TMEM18: variants seen among roughly 807,000 people sequenced by gnomAD.
TMEM18 encodes the protein transmembrane protein 18.
A neutral mutation model predicts 17.4 loss-of-function variants in TMEM18; 14 were observed. The ratio of observed to expected loss-of-function variants is 0.80; its 90% CI spans 0.53 to 1.25. The LOEUF (loss-of-function observed/expected upper bound fraction) is 1.25, where lower values mean the gene tolerates loss of function less well. Ranked by LOEUF, TMEM18 falls within the 50% of genes most tolerant of loss-of-function variation. The pLI, the probability that TMEM18 is intolerant of heterozygous loss-of-function variation, is 0.00. For missense variants in TMEM18, 187 were observed against 172.1 expected (o/e 1.09, Z -0.48); for synonymous variants, 86 against 66.1 (o/e 1.30, Z -1.46).
intron 1 of TMEM18, chr2:676,205 G>A (rs1304873345): frequency 7.3e-7 from 1 of 1,372,322 alleles, no homozygotes; most frequent in African/African-American, 1.5e-5. Flanking sequence ...GCCGCACTCC[G>A]CCGCCTCCTG....
chr2:675,258 T>C (rs185566814), intron 2 of TMEM18, among the ~76,000 whole-genome samples: 10 of 152,344 alleles, frequency 6.6e-5, no homozygotes, highest in African/African-American at 2.2e-4. Context: ...CTCTCCTGTG[T>C]GCAGCTGGTG....
chr2:669,817 C>T lies in TMEM18; in HGVS notation c.267G>A (p.Arg89=). 6.2e-7 allele frequency: 1 copy of T among 1,613,686 alleles called. No individual in the cohort carries two copies. The highest frequency in any genetic ancestry group is 2.2e-5 in the East Asian group (1 of 44,874). The change falls in exon 4 of 5, where the codon AGG becomes AGA. Residue 89 remains arginine, a synonymous_variant. Transcript: ENST00000281017. ...LFSKYQYFDS[R]GMFISIVFSA... ...AAAATACTATAGAAATGAACATCCC[C>T]CTGGAGTCGAAATACTGGTATTTCG...
chr2:675,964 A>T, intron 1 of TMEM18: 1 of 1,336,588 alleles, frequency 7.5e-7, no homozygotes, highest in Non-Finnish European at 9.8e-7. Flanking sequence ...GTATAATTAA[A>T]GGAATTACCA....
rs1678624167 is a variant in TMEM18 at position 664,450 on chromosome 2, G to A, written c.*5130C>T. Among the ~76,000 whole-genome samples, 1 of 152,110 alleles carries A rather than the reference G, an allele frequency of 6.6e-6. No individual in the cohort carries two copies. Reference sequence around the variant, plus strand: ...TAAAATTAGAAATAGGTTTTTTAAAGCCCATATTGCAAAACAAAGAAGAAT... The same window carrying A: ...TAAAATTAGAAATAGGTTTTTTAAAACCCATATTGCAAAACAAAGAAGAAT... On this transcript the variant is annotated 3_prime_UTR_variant, in exon 5 of 5. Transcript: ENST00000281017.
chr2:672,745 T>C (rs34848618), intron 3 of TMEM18, 63 bp downstream of exon 3: 338,315 of 1,361,072 alleles, frequency 0.25, 43,619 homozygotes, highest in Non-Finnish European at 0.26. Flanking sequence ...TCCCACCGGC[T>C]GTGGGGCCAT....
In TMEM18 at chr2:666,536, C is replaced by G. The variant is rs1379027394; in HGVS notation, c.*3044G>C. Among the ~76,000 whole-genome samples, 1 of 152,192 alleles carries G rather than the reference C, an allele frequency of 6.6e-6. No individual in the cohort carries two copies. The highest frequency in any genetic ancestry group is 1.9e-4 in the East Asian group (1 of 5,174). ...CTTGCTGTCAACTGTTCCAGCCCCA[C>G]TCGGAACAAGCTGCCACCAACGCAT... On this transcript the variant is annotated 3_prime_UTR_variant, in exon 5 of 5. Transcript: ENST00000281017.
intron 1 of TMEM18, chr2:676,060 C>G (rs1292159784): frequency 1.5e-6 from 2 of 1,321,082 alleles, no homozygotes; most frequent in Non-Finnish European, 2.0e-6. Flanking sequence ...TGGCTCAGCC[C>G]CAAAGGTAAA....
chr2:676,038 A>G (rs772633914), intron 1 of TMEM18: 30 of 1,315,530 alleles, frequency 2.3e-5, no homozygotes, highest in Non-Finnish European at 2.8e-5. Context: ...CGATTGCTCA[A>G]AGAGATGCAC....
Position 664,607 on chromosome 2 carries a change from T to C in TMEM18, c.*4973A>G, listed in dbSNP as rs994502200. On this transcript the variant is annotated 3_prime_UTR_variant, in exon 5 of 5. Coordinates refer to ENST00000281017, the MANE Select transcript of TMEM18 (RefSeq NM_152834.4). The stretch of plus-strand genomic sequence containing the variant: ...CTTTCACCTATTACTCAGAAAAGTT[T>C]CTTTTTTTACGTTGCTACTTAGTGC... Among the ~76,000 whole-genome samples the C allele has an allele frequency of 1.3e-5, 2 of 152,232 alleles. No individual in the cohort carries two copies. Among genetic ancestry groups the C allele is most frequent in the Non-Finnish European group, 2.9e-5 (2 of 68,034 alleles).
rs1423984694 is a variant in TMEM18, at chr2:665,813, G to T, written c.*3767C>A. ...CAGATGCCCCACTCACTCAGATGCAGCATCAACCCCACACACAACAGGACA... is the reference window on the plus strand; with the variant it reads ...CAGATGCCCCACTCACTCAGATGCATCATCAACCCCACACACAACAGGACA... On this transcript the variant is annotated 3_prime_UTR_variant, in exon 5 of 5. Coordinates refer to ENST00000281017, the MANE Select transcript of TMEM18 (RefSeq NM_152834.4). 6.6e-6 allele frequency among the ~76,000 whole-genome samples: 1 copy of T among 151,912 alleles called. No individual in the cohort carries two copies. The highest frequency in any genetic ancestry group is 1.5e-5 in the Non-Finnish European group (1 of 67,996).
At chr2:673,318 G>A (rs188226715) in intron 2 of TMEM18, among the ~76,000 whole-genome samples, 102 of 152,310 alleles carry the variant, frequency 6.7e-4, no homozygotes, top group African/African-American at 2.3e-3. Flanking sequence ...CCACTGAGAT[G>A]ACCATAGGAG....
Position 666,543 on chromosome 2 carries a change from C to T in TMEM18, c.*3037G>A, listed in dbSNP as rs1678695520. On this transcript the variant is annotated 3_prime_UTR_variant, in exon 5 of 5. Coordinates refer to ENST00000281017, the MANE Select transcript of TMEM18 (RefSeq NM_152834.4). ...TCAACTGTTCCAGCCCCACTCGGAACAAGCTGCCACCAACGCATGGCACCC... is the reference window on the plus strand; with the variant it reads ...TCAACTGTTCCAGCCCCACTCGGAATAAGCTGCCACCAACGCATGGCACCC... Among the ~76,000 whole-genome samples the T allele has an allele frequency of 6.6e-6, 1 of 152,204 alleles. No homozygotes were observed. Among genetic ancestry groups the T allele is most frequent in the Non-Finnish European group, 1.5e-5 (1 of 68,030 alleles).
intron 3 of TMEM18, among the ~76,000 whole-genome samples, chr2:671,958 C>T (rs572955017): frequency 6.6e-6 from 1 of 152,014 alleles, no homozygotes; most frequent in Non-Finnish European, 1.5e-5. Flanking sequence ...GGGACGCTGT[C>T]GTGGAGGGAA....
At chr2:674,377 C>A (rs146883037) in intron 2 of TMEM18, among the ~76,000 whole-genome samples, 309 of 152,346 alleles carry the variant, frequency 2.0e-3, no homozygotes, top group African/African-American at 6.6e-3. Context: ...TGCCTATGCA[C>A]CTTTTGCCCC....
intron 2 of TMEM18, 152 bp downstream of exon 2, chr2:675,358 G>T: frequency 8.8e-7 from 1 of 1,140,014 alleles, no homozygotes; most frequent in Non-Finnish European, 1.2e-6. Flanking sequence ...GCTTCCAAGA[G>T]TGAAAAACGG....
In TMEM18 at chr2:669,678, A is replaced by G; in HGVS notation, c.328-3T>C. The G allele has an allele frequency of 1.9e-6, 3 of 1,614,118 alleles. No individual in the cohort carries two copies. The highest frequency in any genetic ancestry group is 2.7e-5 in the African/African-American group (2 of 75,018). ...AAAGTCTTCCATACCCACATAACCT[A>G]AACACAATTGTTTGAGACATGTTTA... is the stretch of plus-strand genomic sequence containing the variant. On this transcript the variant is annotated splice_region_variant and splice_polypyrimidine_tract_variant and intron_variant, in intron 4 of 4. Coordinates refer to ENST00000281017, the MANE Select transcript of TMEM18 (RefSeq NM_152834.4).
Position 669,528 on chromosome 2 carries a change from G to C in TMEM18, c.*52C>G. On this transcript the variant is annotated 3_prime_UTR_variant, in exon 5 of 5. Coordinates refer to ENST00000281017, the MANE Select transcript of TMEM18 (RefSeq NM_152834.4). The stretch of plus-strand genomic sequence containing the variant: ...CACGCCACGCACACTGCAGCACTGG[G>C]AGCTGCACTGGGTGGACGGGAAGGA... 2 of 1,578,434 alleles carry C rather than the reference G, an allele frequency of 1.3e-6. No homozygotes were observed. The highest frequency in any genetic ancestry group is 1.3e-5 in the African/African-American group (1 of 74,234).
At position 666,401 on chromosome 2, in the gene TMEM18, A is replaced by AATAGCT. The variant is rs1354144631; in HGVS notation, c.*3173_*3178dup. On this transcript the variant is annotated 3_prime_UTR_variant, in exon 5 of 5. Coordinates refer to ENST00000281017, the MANE Select transcript of TMEM18 (RefSeq NM_152834.4). ...AATGACAGCATGATTCGGAGACTAT[A>AATAGCT]ATAGCTACACCTTCCCCCAAAGCGA... Among the ~76,000 whole-genome samples the AATAGCT allele has an allele frequency of 6.6e-6, 1 of 152,152 alleles. No homozygotes were observed. Among genetic ancestry groups the AATAGCT allele is most frequent in the Non-Finnish European group, 1.5e-5 (1 of 68,018 alleles).
Position 675,516 on chromosome 2 carries a change from A to G in TMEM18, c.172T>C (p.Cys58Arg). 2 of 1,614,230 alleles carry G rather than the reference A, an allele frequency of 1.2e-6. No individual in the cohort carries two copies. Among genetic ancestry groups the G allele is most frequent in the Non-Finnish European group, 1.7e-6 (2 of 1,180,032 alleles). Residue 58 changes from cysteine (C) to arginine (R), a missense_variant, in exon 2 of 5, where the codon TGT becomes CGT. By Grantham distance (180) the Cys-to-Arg change is radical (BLOSUM62 -3). Transcript: ENST00000281017. Reference sequence around the variant, plus strand: ...TTTGTGTTGTTTTACTCACCTAGACACAGAAAGTGCCCGATCTGTAGTCTG... The same window carrying G: ...TTTGTGTTGTTTTACTCACCTAGACGCAGAAAGTGCCCGATCTGTAGTCTG... ...SYRLQIGHFL[C>R]LVILVYCAEY...
Sources: allele counts gnomAD v4.1 joint callset (sites outside exome capture counted in the v4.1 genomes callset), GRCh38; gene constraint gnomAD v4.1.1; transcripts MANE v1.5; gene names NCBI Gene and HGNC (gene_info 2026-07-23, HGNC 2026-07-21).